RASA3: variants seen among roughly 807,000 people sequenced by gnomAD.
The protein encoded by RASA3 is ras GTPase-activating protein 3.
Under a neutral mutation model 110.0 loss-of-function variants are expected in RASA3, and 73 were observed. The ratio of observed to expected loss-of-function variants is 0.66; its 90% CI spans 0.55 to 0.81. RASA3 has a LOEUF of 0.81. Among genes scored for constraint, RASA3 ranks in the 30% least tolerant of loss-of-function variants. The probability of loss-of-function intolerance (pLI) is 0.00; values close to 1 mark genes in which losing one functional copy is unlikely to be tolerated. For synonymous variants in RASA3, 500 were observed against 451.4 expected (o/e 1.11, Z -1.37); for missense variants, 976 against 1,113.2 (o/e 0.88, Z 1.75).
chr13:113,997,778 C>T (rs1444531019), intron 20 of RASA3, among the ~76,000 whole-genome samples: 4 of 152,132 alleles, frequency 2.6e-5, no homozygotes, highest in African/African-American at 4.8e-5. Flanking sequence ...GGGACAGTGG[C>T]CTTCTCTAGG....
intron 18 of RASA3, among the ~76,000 whole-genome samples, chr13:114,001,581 C>T (rs1255184590): frequency 2.1e-5 from 3 of 143,046 alleles, no homozygotes; most frequent in Non-Finnish European, 3.1e-5. Flanking sequence ...TGGATGCCCA[C>T]ACAACACAGA....
chr13:113,979,701 G>C (rs1322865773), intron 23 of RASA3, among the ~76,000 whole-genome samples: 1 of 152,202 alleles, frequency 6.6e-6, no homozygotes, highest in African/African-American at 2.4e-5. Flanking sequence ...AATATGTAGA[G>C]TGTATGGCAC....
intron 22 of RASA3, among the ~76,000 whole-genome samples, chr13:113,989,175 C>T (rs2053041931): frequency 6.7e-6 from 1 of 149,784 alleles, no homozygotes; most frequent in African/African-American, 2.5e-5. Context: ...TCTCATCACT[C>T]ACCCTGTCCT....
At chr13:114,107,186 T>C (rs1566578786) in intron 1 of RASA3, among the ~76,000 whole-genome samples, 1 of 152,152 alleles carries the variant, frequency 6.6e-6, no homozygotes, top group Non-Finnish European at 1.5e-5. Context: ...GTACGTGGCC[T>C]GTGTGTCTGC....
chr13:114,017,459 G>A (rs902615656), intron 11 of RASA3, 108 bp from the exon 12 acceptor site: 16 of 876,762 alleles, frequency 1.8e-5, no homozygotes, highest in East Asian at 1.5e-4. Context: ...GTCAGTGCAC[G>A]CCCATCAGTC....
In RASA3 at chr13:114,016,573, T is replaced by C. The variant is rs2053797189; in HGVS notation, c.1207-302A>G. ...AACACTAGGCACGGGGCCCAGTCCA[T>C]GGCCGCGATCAGACGAGCCGGGCTC... On this transcript the variant is annotated intron_variant, in intron 12 of 23. Transcript: ENST00000334062. Among the ~76,000 whole-genome samples, 7 of 152,120 alleles carry C rather than the reference T, an allele frequency of 4.6e-5. No homozygotes were observed. In the South Asian group the frequency reaches 1.2e-3, roughly 27 times the overall value.
At chr13:113,997,548 A>AT (rs1354390631) in intron 20 of RASA3, among the ~76,000 whole-genome samples, 2 of 123,150 alleles carry the variant, frequency 1.6e-5, no homozygotes, top group African/African-American at 5.2e-5. Context: ...GGGTCCTGTG[A>AT]TTGGAGGGAC....
At position 114,056,517 on chromosome 13, in the gene RASA3, T is replaced by C. The variant is rs952819727; in HGVS notation, c.174-4362A>G. On this transcript the variant is annotated intron_variant, in intron 2 of 23. Coordinates refer to ENST00000334062, the MANE Select transcript of RASA3 (RefSeq NM_007368.4). This position sits in a 1 kb window ranked among gnomAD's most constrained non-coding sequence, Gnocchi z 5.7. ...CCCTGGGCGCTGCCCGGTAGCGGGG[T>C]GTTCAGTTGCTCTGCCAAAGGCTCT... 2.0e-6 allele frequency: 2 copies of C among 984,550 alleles called. No homozygotes were observed. Among genetic ancestry groups the C allele is most frequent in the African/African-American group, 3.5e-5 (2 of 56,914 alleles). The allele number at this position is 984,550 out of a possible 1,614,324, so 61.0% of individuals were successfully genotyped here. A position where few individuals can be genotyped will look rare whatever the true frequency, so the allele number is the denominator to read the frequency against.
At chr13:114,007,669 G>T in intron 17 of RASA3, 63 bp from the exon 18 acceptor site, 2 of 1,365,460 alleles carry the variant, frequency 1.5e-6, no homozygotes, top group Non-Finnish European at 2.1e-6. Flanking sequence ...ACGGCTCTCT[G>T]TATAACAACA....
In RASA3 at chr13:114,114,326, G is replaced by A. The variant is rs75012823; in HGVS notation, c.55+18109C>T. On this transcript the variant is annotated intron_variant, in intron 1 of 23. Coordinates refer to ENST00000334062, the MANE Select transcript of RASA3 (RefSeq NM_007368.4). This position sits in a 1 kb window ranked among gnomAD's most constrained non-coding sequence, Gnocchi z 4.8. ...TAACTTTCTGTTCTGGATTTCCTGG[G>A]GTTTCCTTTATTAGACTTGAGTCCA... 0.012 allele frequency among the ~76,000 whole-genome samples: 1,788 copies of A among 152,268 alleles called. 30 individuals carry two copies. The highest frequency in any genetic ancestry group is 0.038 in the African/African-American group (1,599 of 41,536).
chr13:114,072,479 T>C (rs2079588327), intron 2 of RASA3, among the ~76,000 whole-genome samples: 1 of 152,224 alleles, frequency 6.6e-6, no homozygotes, highest in South Asian at 2.1e-4. Flanking sequence ...ATCTTCTGTA[T>C]AGCTATTTTA....
intron 18 of RASA3, among the ~76,000 whole-genome samples, chr13:114,002,189 T>C (rs1393223382): frequency 6.6e-6 from 1 of 150,468 alleles, no homozygotes; most frequent in African/African-American, 2.5e-5. Context: ...AGTGGGGAGG[T>C]GGGCGGGGGA....
At chr13:114,013,571 T>C (rs1032315219) in intron 14 of RASA3, among the ~76,000 whole-genome samples, 1 of 92,856 alleles carries the variant, frequency 1.1e-5, no homozygotes, top group Non-Finnish European at 2.1e-5. Context: ...TCTCTCCCTA[T>C]CTCTGTCTCT....
At chr13:114,054,870 T>A (rs987614298) in intron 2 of RASA3, among the ~76,000 whole-genome samples, 1 of 152,274 alleles carries the variant, frequency 6.6e-6, no homozygotes, top group Non-Finnish European at 1.5e-5. Context: ...CGAGCCATCC[T>A]CTGATCTCCT....
chr13:114,040,245 GCTCA>G (rs1435318179), intron 4 of RASA3, among the ~76,000 whole-genome samples: 1 of 152,114 alleles, frequency 6.6e-6, no homozygotes, highest in East Asian at 1.9e-4. Context: ...CAGAGCCTGC[GCTCA>G]CTCCGACCAC....
chr13:114,100,151 A>G (rs1019987831), intron 1 of RASA3, among the ~76,000 whole-genome samples: 1 of 151,300 alleles, frequency 6.6e-6, no homozygotes, highest in Non-Finnish European at 1.5e-5. Context: ...CGCAATAGGA[A>G]GACGCCGAAT....
At chr13:114,037,025 C>G (rs2054291163) in intron 4 of RASA3, among the ~76,000 whole-genome samples, 1 of 152,170 alleles carries the variant, frequency 6.6e-6, no homozygotes, top group South Asian at 2.1e-4. Context: ...CCATAAAGTG[C>G]AAATTCCCGG....
chr13:114,038,594 A>C (rs1194604480), intron 4 of RASA3, among the ~76,000 whole-genome samples: 1 of 152,222 alleles, frequency 6.6e-6, no homozygotes, highest in Non-Finnish European at 1.5e-5. Flanking sequence ...GCTCATGGTC[A>C]ACTTCATGAA....
At chr13:113,994,997 T>A (rs922555952) in intron 21 of RASA3, among the ~76,000 whole-genome samples, 1 of 152,098 alleles carries the variant, frequency 6.6e-6, no homozygotes, top group Non-Finnish European at 1.5e-5. Flanking sequence ...TAAAAAAGCA[T>A]CCCCGAGCTG....
Sources: gnomAD v4.1 joint callset for allele counts (sites outside exome capture counted in the v4.1 genomes callset) on GRCh38, gnomAD v4.1.1 for gene constraint, Gnocchi (gnomAD v3.1) non-coding constraint, MANE v1.5 for transcripts, NCBI Gene and HGNC (gene_info 2026-07-23, HGNC 2026-07-21) for gene names.